CDH18: variants seen among roughly 807,000 people sequenced by gnomAD.
CDH18 encodes the protein cadherin-18.
A neutral mutation model predicts 67.9 loss-of-function variants in CDH18; 31 were observed. The observed-to-expected ratio is 0.46, with a 90% CI of 0.34 to 0.62. CDH18 has a LOEUF of 0.62. Among genes scored for constraint, CDH18 ranks in the 20% least tolerant of loss-of-function variants. The pLI, the probability that CDH18 is intolerant of heterozygous loss-of-function variation, is 0.01. For synonymous variants in CDH18, 362 were observed against 347.2 expected, an observed-to-expected ratio of 1.04 and a Z score of -0.48; for missense variants, 890 against 975.5, an observed-to-expected ratio of 0.91 and a Z score of 1.17.
At chr5:20,250,272 C>T (rs573575291) in intron 2 of CDH18, among the ~76,000 whole-genome samples, 2 of 118,650 alleles carry the variant, frequency 1.7e-5, no homozygotes, top group East Asian at 4.8e-4. Context: ...TGGAGTCTGA[C>T]AATTTTATTT....
At chr5:19,831,130 C>A (rs904769525) in intron 3 of CDH18, among the ~76,000 whole-genome samples, 1 of 151,964 alleles carries the variant, frequency 6.6e-6, no homozygotes, top group Admixed American at 6.6e-5. Context: ...ACAATAAACC[C>A]ATGTGACACA....
chr5:20,553,502 T>C (rs968803967), intron 1 of CDH18, among the ~76,000 whole-genome samples: 5 of 152,164 alleles, frequency 3.3e-5, no homozygotes, highest in Non-Finnish European at 7.4e-5. Flanking sequence ...TATAATTTAA[T>C]TCTGAGAACA....
rs531184525 is a variant in CDH18, at chr5:19,549,560, T to C, written c.1254-5555A>G. Among the ~76,000 whole-genome samples the C allele has an allele frequency of 7.6e-5, 11 of 145,264 alleles. No homozygotes were observed. The East Asian group carries it at 1.8e-3, about 24-fold the overall frequency. On this transcript the variant is annotated intron_variant, in intron 8 of 12. Transcript: ENST00000382275. ...ATACAGAAAAAGAATGAAAGATATA[T>C]ATTAAAAAAGAGAGAATATGTCAAA...
chr5:19,808,306 AAAC>A (rs1411275025), intron 3 of CDH18, among the ~76,000 whole-genome samples: 22 of 150,796 alleles, frequency 1.5e-4, no homozygotes, highest in African/African-American at 5.4e-4. Context: ...AAATAAAACA[AAAC>A]AACAACAACA....
rs181826979 is a variant in CDH18 at position 20,240,354 on chromosome 5, G to C, written c.-518+15090C>G. Among the ~76,000 whole-genome samples, 234 of 152,140 alleles carry C rather than the reference G, an allele frequency of 1.5e-3. 2 individuals are homozygous for C. Among genetic ancestry groups the C allele is most frequent in the African/African-American group, 5.4e-3 (226 of 41,526 alleles). On this transcript the variant is annotated intron_variant, in intron 2 of 14. Transcript: ENST00000507958. ...TTGATTCATACTGTAAGTATCAATT[G>C]AGACAAAATATATGATAGTTTTTTA...
intron 2 of CDH18, among the ~76,000 whole-genome samples, chr5:20,218,126 C>A (rs144546811): frequency 3.3e-5 from 5 of 151,814 alleles, no homozygotes; most frequent in African/African-American, 1.2e-4. Flanking sequence ...AGAAAATCAA[C>A]AAAGAAACAT....
Position 19,843,530 on chromosome 5 carries a change from A to G in CDH18, c.-256-4288T>C, listed in dbSNP as rs563538642. Reference sequence around the variant, plus strand: ...GCAGGGGTGGAGCCCTCATGGAGAAACTCTGTTAGAGCAGTGCAGAAGGGA... The same window carrying G: ...GCAGGGGTGGAGCCCTCATGGAGAAGCTCTGTTAGAGCAGTGCAGAAGGGA... On this transcript the variant is annotated intron_variant, in intron 2 of 12. Transcript: ENST00000382275. Among the ~76,000 whole-genome samples the G allele has an allele frequency of 5.9e-5, 9 of 152,202 alleles. No homozygotes were observed. The South Asian group carries it at 1.9e-3, about 32-fold the overall frequency.
At chr5:20,472,006 A>G (rs1456013811) in intron 1 of CDH18, among the ~76,000 whole-genome samples, 3 of 504 alleles carry the variant, frequency 6.0e-3, no homozygotes, top group Non-Finnish European at 0.012. Flanking sequence ...ATTGAAGTTT[A>G]GGTATCAGAT....
chr5:19,981,747 G>A (rs900274743), intron 1 of CDH18, among the ~76,000 whole-genome samples: 5 of 152,108 alleles, frequency 3.3e-5, no homozygotes, highest in Admixed American at 3.3e-4. Context: ...ATAGCCAGGG[G>A]TGCTCCTTCC....
At chr5:20,430,858 T>C (rs1047087061) in intron 1 of CDH18, among the ~76,000 whole-genome samples, 2 of 152,170 alleles carry the variant, frequency 1.3e-5, no homozygotes, top group African/African-American at 4.8e-5. Context: ...AATAACATAA[T>C]ACATTCATCT....
chr5:19,565,475 C>T (rs891783297), intron 8 of CDH18, among the ~76,000 whole-genome samples: 3 of 152,202 alleles, frequency 2.0e-5, no homozygotes, highest in Admixed American at 6.5e-5. Context: ...TCTTCAGAGT[C>T]ACAGCATTAC....
intron 5 of CDH18, among the ~76,000 whole-genome samples, chr5:19,681,876 A>G (rs1760383559): frequency 2.0e-5 from 3 of 151,068 alleles, no homozygotes; most frequent in Admixed American, 1.3e-4. Flanking sequence ...TTATATAAAC[A>G]TGTGATAAAT....
At chr5:19,663,000 G>T (rs1406543218) in intron 5 of CDH18, among the ~76,000 whole-genome samples, 1 of 151,928 alleles carries the variant, frequency 6.6e-6, no homozygotes, top group Non-Finnish European at 1.5e-5. Context: ...CTGTTTTGTT[G>T]TAAGAGATGA....
rs1022021671 is a variant in CDH18 at position 20,320,377 on chromosome 5, G to A, written c.-579-64872C>T. On this transcript the variant is annotated intron_variant, in intron 1 of 14. Coordinates refer to the CDH18 transcript ENST00000507958. ...ACACAAAAAAAAGAACCACTGAGGT[G>A]GGTCAAAGAAAAGTGTCCCTGAGGA... 7.4e-4 allele frequency among the ~76,000 whole-genome samples: 113 copies of A among 152,190 alleles called. 1 individual carries two copies. Among genetic ancestry groups the A allele is most frequent in the African/African-American group, 2.7e-3 (111 of 41,532 alleles).
chr5:20,328,394 G>A (rs1009219501), intron 1 of CDH18, among the ~76,000 whole-genome samples: 7 of 151,968 alleles, frequency 4.6e-5, no homozygotes, highest in African/African-American at 1.7e-4. Flanking sequence ...ATCATGTTGA[G>A]AGTAAAAGAG....
rs190632442 is a variant in CDH18 at position 19,505,377 on chromosome 5, G to A, written c.1513-2268C>T. The stretch of plus-strand genomic sequence containing the variant: ...ATGTTGAATAGGAGTGGTGAGAAAG[G>A]GCATCCCTGTCTTGTGCCAGTTTTC... On this transcript the variant is annotated intron_variant, in intron 10 of 12. Coordinates refer to ENST00000382275, the MANE Select transcript of CDH18 (RefSeq NM_004934.5). Among the ~76,000 whole-genome samples the A allele has an allele frequency of 4.1e-3, 630 of 152,238 alleles. 4 individuals carry two copies. Among genetic ancestry groups the A allele is most frequent in the Non-Finnish European group, 7.6e-3 (518 of 68,018 alleles).
At chr5:20,291,288 A>G in intron 1 of CDH18, among the ~76,000 whole-genome samples, 1 of 152,130 alleles carries the variant, frequency 6.6e-6, no homozygotes, top group East Asian at 1.9e-4. Context: ...ATAAAAATAG[A>G]TGTTAACTCT....
chr5:19,584,814 A>G (rs1743884354), intron 7 of CDH18, among the ~76,000 whole-genome samples: 1 of 141,658 alleles, frequency 7.1e-6, no homozygotes, highest in South Asian at 2.3e-4. Context: ...AAAAAAAAAG[A>G]AAAAAAGAAA....
chr5:20,478,597 C>T (rs1375972210), intron 1 of CDH18, among the ~76,000 whole-genome samples: 1 of 152,066 alleles, frequency 6.6e-6, no homozygotes, highest in Non-Finnish European at 1.5e-5. Flanking sequence ...AATAGAGCAC[C>T]ATGTCAATTC....
Sources: gnomAD v4.1 joint callset for allele counts (sites outside exome capture counted in the v4.1 genomes callset) on GRCh38, gnomAD v4.1.1 for gene constraint, MANE v1.5 for transcripts, NCBI Gene and HGNC (gene_info 2026-07-23, HGNC 2026-07-21) for gene names.